The following PCGF1 variants were observed in gnomAD, a reference collection of about 807,000 sequenced individuals.
The protein encoded by PCGF1 is polycomb group ring finger 1.
A neutral mutation model predicts 38.8 loss-of-function variants in PCGF1; 10 were observed. The ratio of observed to expected loss-of-function variants is 0.26; its 90% CI spans 0.16 to 0.44. PCGF1 has a LOEUF of 0.44. PCGF1 is among the 20% of genes least tolerant of loss of function. PCGF1 has a pLI of 1.00. For synonymous variants in PCGF1, 119 were observed against 121.3 expected, an observed-to-expected ratio of 0.98 and a Z score of 0.12; for missense variants, 230 against 331.5, an observed-to-expected ratio of 0.69 and a Z score of 2.38.
rs756676061 is a variant in PCGF1, at chr2:74,506,026, G to C, written c.456C>G (p.Phe152Leu). ...GGGCTTTAGAGTGGTCAAAGCTGCT[G>C]AAGGGGAGGCCGAGGTTGCTCAGTG... ...EPALSNLGLP[F>L]SSFDHSKAHY... The change falls in exon 5 of 9, where the codon TTC (phenylalanine) becomes TTG (leucine). Residue 152 changes from phenylalanine to leucine, a missense_variant. Phe to Leu is a conservative substitution (Grantham distance 22). Transcript: ENST00000233630. The C allele has an allele frequency of 6.2e-6, 10 of 1,614,242 alleles. No individual in the cohort carries two copies. Among genetic ancestry groups the C allele is most frequent in the Non-Finnish European group, 7.6e-6 (9 of 1,180,034 alleles).
In PCGF1 at chr2:74,506,077, G is replaced by A; in HGVS notation, c.425-20C>T. 1 of 1,613,760 alleles carries A rather than the reference G, an allele frequency of 6.2e-7. No individual in the cohort carries two copies. The highest frequency in any genetic ancestry group is 8.5e-7 in the Non-Finnish European group (1 of 1,179,608). On this transcript the variant is annotated intron_variant, in intron 4 of 8. Transcript: ENST00000233630. ...CTGGCTCTGAGAAAGATAGGGTAGT[G>A]AGGTGGCTGGTGGCACACATTCCAT... is the stretch of plus-strand genomic sequence containing the variant.
intron 3 of PCGF1, 181 bp downstream of exon 3, chr2:74,506,551 C>G: frequency 1.4e-6 from 1 of 705,234 alleles, no homozygotes; most frequent in East Asian, 2.7e-5. Flanking sequence ...GCACTCCAGC[C>G]TGGGCAAGAC....
At position 74,505,567 on chromosome 2, in the gene PCGF1, C is replaced by T. The variant is rs144121264; in HGVS notation, c.636G>A (p.Met212Ile). Residue 212 changes from methionine (M) to isoleucine (I), a missense_variant, in exon 7 of 9, where the codon ATG becomes ATA. Around this residue, in one of 3 missense-constraint regions of PCGF1, gnomAD observed 144 missense variants for 182.4 expected, o/e 0.79. Coordinates refer to ENST00000233630, the MANE Select transcript of PCGF1 (RefSeq NM_032673.3). Reference protein sequence around the residue: ...HLRRVLCHRLMLNPQHVQLLF... With the variant: ...HLRRVLCHRLILNPQHVQLLF... ...GACTACTCACATGCTGAGGGTTTAG[C>T]ATCAAGCGGTGACACAGGACCCTCC... 7 of 1,614,152 alleles carry T rather than the reference C, an allele frequency of 4.3e-6. No individual in the cohort carries two copies. The highest frequency in any genetic ancestry group is 5.9e-6 in the Non-Finnish European group (7 of 1,180,018).
At chr2:74,506,971 G>T in intron 2 of PCGF1, 71 bp downstream of exon 2, 2 of 1,593,550 alleles carry the variant, frequency 1.3e-6, no homozygotes, top group Non-Finnish European at 1.7e-6. Context: ...GAGGCAGGCC[G>T]CACAGAAGCT....
Position 74,505,132 on chromosome 2 carries a change from G to C in PCGF1, c.*11C>G. The C allele has an allele frequency of 1.3e-6, 2 of 1,489,904 alleles. No homozygotes were observed. Among genetic ancestry groups the C allele is most frequent in the Non-Finnish European group, 1.8e-6 (2 of 1,118,478 alleles). The allele number at this position is 1,489,904 out of a possible 1,614,324, so 92.3% of individuals were successfully genotyped here. A position where few individuals can be genotyped will look rare whatever the true frequency, so the allele number is the denominator to read the frequency against. On this transcript the variant is annotated 3_prime_UTR_variant, in exon 9 of 9. Coordinates refer to ENST00000233630, the MANE Select transcript of PCGF1 (RefSeq NM_032673.3). ...AGGGAAGGGGAGTGGGATGGGGTGGGGGCTTGGCCCCTACCTCCTCTTCTC... is the reference window on the plus strand; with the variant it reads ...AGGGAAGGGGAGTGGGATGGGGTGGCGGCTTGGCCCCTACCTCCTCTTCTC...
chr2:74,506,664 C>G (rs774208250), intron 3 of PCGF1, 68 bp downstream of exon 3: 2 of 1,570,798 alleles, frequency 1.3e-6, no homozygotes, highest in East Asian at 2.2e-5. Context: ...CTACCAAACC[C>G]GTCACCTCAA....
rs564918282 is a variant in PCGF1 at position 74,505,486 on chromosome 2, C to T, written c.651+66G>A. 1.4e-4 allele frequency: 229 copies of T among 1,610,046 alleles called. 3 individuals carry two copies. In the South Asian group the frequency reaches 2.4e-3, roughly 17 times the overall value. ...AGGTCAAAAACTACCCTGGTCCACC[C>T]TAGACTCTGTCCCTCCTTTCTTAGC... On this transcript the variant is annotated intron_variant, in intron 7 of 8. Coordinates refer to ENST00000233630, the MANE Select transcript of PCGF1 (RefSeq NM_032673.3).
At chr2:74,506,979 G>A (rs1572977575) in intron 2 of PCGF1, 63 bp downstream of exon 2, 6 of 1,602,734 alleles carry the variant, frequency 3.7e-6, no homozygotes, top group East Asian at 2.2e-5. Flanking sequence ...CCGCACAGAA[G>A]CTGGCAGTCA....
In PCGF1 at chr2:74,506,889, A is replaced by C. The variant is rs769217563; in HGVS notation, c.200-5T>G. The C allele has an allele frequency of 4.3e-6, 7 of 1,614,208 alleles. No individual in the cohort carries two copies. In the East Asian group the frequency reaches 1.6e-4, roughly 36 times the overall value. On this transcript the variant is annotated splice_region_variant and splice_polypyrimidine_tract_variant and intron_variant, in intron 2 of 8. Transcript: ENST00000233630. Reference sequence around the variant, plus strand: ...TCACAATACAACTCTTGCAGACTGCAGGAAAAGAAAAGCAGATTCTCAGGC... The same window carrying C: ...TCACAATACAACTCTTGCAGACTGCCGGAAAAGAAAAGCAGATTCTCAGGC...
intron 5 of PCGF1, 60 bp downstream of exon 5, chr2:74,505,892 C>G: frequency 1.2e-6 from 2 of 1,605,166 alleles, no homozygotes; most frequent in Admixed American, 3.3e-5. Context: ...TCCCCTAGAC[C>G]CTCCCTGGCT....
chr2:74,506,679 C>T, intron 3 of PCGF1, 53 bp downstream of exon 3: 1 of 1,601,088 alleles, frequency 6.2e-7, no homozygotes, highest in Non-Finnish European at 8.5e-7. Context: ...CCTCAAGCTG[C>T]CACTCAGCAA....
In PCGF1 at chr2:74,506,247, C is replaced by G. The variant is rs1343153589; in HGVS notation, c.358G>C (p.Glu120Gln). 6.2e-7 allele frequency: 1 copy of G among 1,614,046 alleles called. No homozygotes were observed. The highest frequency in any genetic ancestry group is 1.7e-5 in the Admixed American group (1 of 60,030). ...KLVPGLQDSE[E>Q]KRIREFYQSR... The stretch of plus-strand genomic sequence containing the variant: ...TGGTAGAATTCCCGAATCCGTTTCT[C>G]TTCACCTAGAAGAAGGTGAAGTATG... Residue 120 changes from glutamate (E) to glutamine (Q), a missense_variant, in exon 4 of 9, where the codon GAG becomes CAG. Coordinates refer to ENST00000233630, the MANE Select transcript of PCGF1 (RefSeq NM_032673.3).
Position 74,505,093 on chromosome 2 carries a change from A to T in PCGF1, c.*50T>A, listed in dbSNP as rs963642871. The T allele has an allele frequency of 9.7e-6, 14 of 1,446,554 alleles. No individual in the cohort carries two copies. The highest frequency in any genetic ancestry group is 1.4e-5 in the African/African-American group (1 of 70,254). 89.6% of individuals were successfully genotyped at this position (1,446,554 alleles called of 1,614,324 possible). ...AAAATAAAGCTGCAGTTCATTTCAC[A>T]TAAATATCTGGGGAGGGAAGGGGAG... On this transcript the variant is annotated 3_prime_UTR_variant, in exon 9 of 9. Coordinates refer to ENST00000233630, the MANE Select transcript of PCGF1 (RefSeq NM_032673.3).
chr2:74,506,130 G>T (rs1202266281), intron 4 of PCGF1, 51 bp downstream of exon 4: 1 of 1,611,948 alleles, frequency 6.2e-7, no homozygotes, highest in East Asian at 2.2e-5. Flanking sequence ...GAGCAAAACT[G>T]GGCAAGAAGA....
intron 2 of PCGF1, 44 bp from the exon 3 acceptor site, chr2:74,506,928 G>A: frequency 6.2e-7 from 1 of 1,613,090 alleles, no homozygotes. Flanking sequence ...CTGGAAACTG[G>A]ATTCATGGGC....
rs1674611846 is a variant in PCGF1, at chr2:74,505,627, G to A, written c.576C>T (p.Val192=). The stretch of plus-strand genomic sequence containing the variant: ...GTACCTCAGCTCTAACAGAACATCG[G>A]ACATACTTGTTCTGGGAGCAGGGAG... ...KNKSVLQNKY[V]RCSVRAEVRH... The change falls in exon 7 of 9, where the codon GTC becomes GTT. Residue 192 remains valine (V), a synonymous_variant. Coordinates refer to ENST00000233630, the MANE Select transcript of PCGF1 (RefSeq NM_032673.3). The A allele has an allele frequency of 6.2e-7, 1 of 1,613,880 alleles. No individual in the cohort carries two copies. The highest frequency in any genetic ancestry group is 1.3e-5 in the African/African-American group (1 of 74,856).
At chr2:74,507,407 G>C in intron 1 of PCGF1, 169 bp downstream of exon 1, 5 of 1,456,200 alleles carry the variant, frequency 3.4e-6, no homozygotes, top group African/African-American at 1.4e-5. Flanking sequence ...GACACAACGC[G>C]CAGGCGTCCT....
intron 7 of PCGF1, 46 bp from the exon 8 acceptor site, chr2:74,505,465 C>T (rs541622259): frequency 6.2e-7 from 1 of 1,607,434 alleles, no homozygotes; most frequent in East Asian, 2.2e-5. Flanking sequence ...TCTGGCAGGT[C>T]AAAAACTACC....
Position 74,507,159 on chromosome 2 carries a change from C to A in PCGF1, c.94-12G>T, listed in dbSNP as rs977045356. ...ACTCGAACCTCCTCCTGAAGATACA[C>A]CCTCCGTCACCAATCATCCACCCTC... On this transcript the variant is annotated splice_polypyrimidine_tract_variant and intron_variant, in intron 1 of 8. Coordinates refer to ENST00000233630, the MANE Select transcript of PCGF1 (RefSeq NM_032673.3). 1.6e-5 allele frequency: 25 copies of A among 1,610,912 alleles called. No individual in the cohort carries two copies. The Admixed American group carries it at 2.7e-4, about 17-fold the overall frequency.
Sources: allele counts gnomAD v4.1 joint callset, GRCh38; gene constraint gnomAD v4.1.1; regional missense constraint gnomAD v4.1.1; transcripts MANE v1.5; gene names NCBI Gene and HGNC (gene_info 2026-07-23, HGNC 2026-07-21).